The following RAB38 variants were observed in gnomAD, a reference collection of about 807,000 sequenced individuals.
The protein encoded by RAB38 is RAB38, member RAS oncogene family.
Under a neutral mutation model 18.4 loss-of-function variants are expected in RAB38, and 15 were observed. The ratio of observed to expected loss-of-function variants is 0.82; its 90% CI spans 0.55 to 1.26. The LOEUF is 1.26. Ranked by LOEUF, RAB38 falls within the 50% of genes most tolerant of loss-of-function variation. RAB38 has a pLI of 0.00. For missense variants in RAB38, 294 were observed against 267.4 expected (o/e 1.10, Z -0.69); for synonymous variants, 101 against 104.4 (o/e 0.97, Z 0.20).
At chr11:87,890,033 C>G in the RAB38 span, among the ~76,000 whole-genome samples, 1 of 151,718 alleles carries the variant, frequency 6.6e-6, no homozygotes, top group Non-Finnish European at 1.5e-5. Flanking sequence ...GAAAAACCTT[C>G]TATGTACAGG....
chr11:88,087,916 C>T, the RAB38 span, among the ~76,000 whole-genome samples: 3 of 151,882 alleles, frequency 2.0e-5, no homozygotes, highest in African/African-American at 7.2e-5. Flanking sequence ...TTATGGTCTC[C>T]TACCTCATCT....
At chr11:87,837,784 A>G in the RAB38 span, among the ~76,000 whole-genome samples, 1 of 152,232 alleles carries the variant, frequency 6.6e-6, no homozygotes, top group Non-Finnish European at 1.5e-5. Flanking sequence ...TCTTGACTAA[A>G]GTCTTTGCAT....
At chr11:88,081,790 T>C in the RAB38 span, among the ~76,000 whole-genome samples, 1 of 151,904 alleles carries the variant, frequency 6.6e-6, no homozygotes, top group African/African-American at 2.4e-5. Context: ...CAGGTGGACA[T>C]ACCTTTTGGA....
the RAB38 span, among the ~76,000 whole-genome samples, chr11:88,040,484 G>C: frequency 6.6e-6 from 1 of 152,178 alleles, no homozygotes; most frequent in African/African-American, 2.4e-5. Flanking sequence ...GGGAGGGCCA[G>C]GAAGGCAGCC....
At position 88,150,008 on chromosome 11, in the gene RAB38, CATATT is replaced by C. The variant is rs976847985; in HGVS notation, c.203-58_203-54del. The C allele has an allele frequency of 2.6e-6, 4 of 1,534,182 alleles. No homozygotes were observed. In the African/African-American group the frequency reaches 5.5e-5, roughly 21 times the overall value. The stretch of plus-strand genomic sequence containing the variant: ...AATGTATTAAAATTGCAAACTGAAT[CATATT>C]ATAACTTCATGAAGCCTCCAAGATG... On this transcript the variant is annotated intron_variant, in intron 1 of 2. Transcript: ENST00000243662.
the RAB38 span, among the ~76,000 whole-genome samples, chr11:88,073,782 A>T: frequency 6.6e-6 from 1 of 152,126 alleles, no homozygotes. Flanking sequence ...TCTCCAAGAT[A>T]ACACAGAAAA....
the RAB38 span, among the ~76,000 whole-genome samples, chr11:87,878,222 T>TATATATATATATAC: frequency 4.9e-3 from 569 of 116,188 alleles, 24 homozygotes; most frequent in African/African-American, 6.1e-3. Flanking sequence ...TATATATATA[T>TATATATATATATAC]ACACACATAT....
chr11:87,868,516 T>C, the RAB38 span, among the ~76,000 whole-genome samples: 8 of 137,502 alleles, frequency 5.8e-5, no homozygotes, highest in Non-Finnish European at 1.1e-4. Context: ...TGACAAAGAA[T>C]GTGGCAACAG....
chr11:87,813,795 G>A, the RAB38 span, among the ~76,000 whole-genome samples: 5 of 152,110 alleles, frequency 3.3e-5, no homozygotes, highest in East Asian at 1.9e-4. Flanking sequence ...TGGGTTAATC[G>A]TATGACGGTG....
intron 1 of RAB38, among the ~76,000 whole-genome samples, chr11:88,169,326 A>G (rs76830229): frequency 0.015 from 2,310 of 152,340 alleles, 26 homozygotes; most frequent in Admixed American, 0.029. Context: ...GCAAATATGC[A>G]TACATTGTTT....
At chr11:87,833,997 A>G in the RAB38 span, among the ~76,000 whole-genome samples, 1 of 152,232 alleles carries the variant, frequency 6.6e-6, no homozygotes, top group African/African-American at 2.4e-5. Flanking sequence ...GGCCCTTAAA[A>G]AGCAGAGAAC....
chr11:88,108,781 T>C (rs1010964175), downstream of RAB38, among the ~76,000 whole-genome samples: 1 of 152,204 alleles, frequency 6.6e-6, no homozygotes, highest in African/African-American at 2.4e-5. Flanking sequence ...GTACCAGCTT[T>C]TCCTTTCCAT....
intron 1 of RAB38, chr11:88,166,087 C>T (rs2134851903): frequency 6.6e-6 from 1 of 152,088 alleles, no homozygotes; most frequent in South Asian, 2.1e-4. Flanking sequence ...GACACATGAA[C>T]CAGCAGACAT....
chr11:88,069,502 T>C, the RAB38 span, among the ~76,000 whole-genome samples: 1 of 152,208 alleles, frequency 6.6e-6, no homozygotes, highest in Non-Finnish European at 1.5e-5. Flanking sequence ...TGAAGCCAGC[T>C]GGGCTCCTGA....
At chr11:88,057,475 A>G in the RAB38 span, among the ~76,000 whole-genome samples, 2 of 152,020 alleles carry the variant, frequency 1.3e-5, no homozygotes, top group Non-Finnish European at 2.9e-5. Flanking sequence ...AAAAAAAAAA[A>G]TGAGGGAAAA....
chr11:88,107,246 C>T, the RAB38 span, among the ~76,000 whole-genome samples: 2,557 of 152,100 alleles, frequency 0.017, 72 homozygotes, highest in African/African-American at 0.059. Flanking sequence ...TTTTTCTCAT[C>T]CCCCAAAGAA....
the RAB38 span, among the ~76,000 whole-genome samples, chr11:87,888,213 C>A: frequency 5.9e-5 from 9 of 151,972 alleles, 1 homozygote; most frequent in South Asian, 1.5e-3. Flanking sequence ...GAATAACACC[C>A]AAGTTTATGC....
intron 2 of RAB38, among the ~76,000 whole-genome samples, chr11:88,130,647 A>G (rs1942755820): frequency 6.6e-6 from 1 of 152,198 alleles, no homozygotes; most frequent in Admixed American, 6.5e-5. Context: ...CAAGGTGACT[A>G]TGGGTTGGTT....
chr11:88,096,062 G>A, the RAB38 span, among the ~76,000 whole-genome samples: 5 of 150,152 alleles, frequency 3.3e-5, no homozygotes, highest in East Asian at 1.0e-3. Context: ...TCCAACAGTG[G>A]CCCTCTTAAA....
Sources: gnomAD v4.1 joint callset for allele counts (sites outside exome capture counted in the v4.1 genomes callset) on GRCh38, gnomAD v4.1.1 for gene constraint, MANE v1.5 for transcripts, NCBI Gene and HGNC (gene_info 2026-07-23, HGNC 2026-07-21) for gene names.